The following RANBP17 variants were observed in gnomAD, a reference collection of about 807,000 sequenced individuals.
RANBP17 encodes RAN binding protein 17.
RANBP17 carries 158 observed loss-of-function variants against 141.2 expected under a neutral mutation model. That is an observed-to-expected ratio of 1.12 (90% confidence interval 0.98 to 1.28). RANBP17 has a LOEUF of 1.28. Among genes scored for constraint, RANBP17 ranks in the 50% most tolerant of loss-of-function variants. RANBP17 has a pLI of 0.00. For synonymous variants in RANBP17, 430 were observed against 450.0 expected (o/e 0.96, Z 0.56); for missense variants, 1,438 against 1,290.7 (o/e 1.11, Z -1.75).
Position 170,955,580 on chromosome 5 carries a change from GTGTATATATA to G in RANBP17, c.1574+1880_1574+1889del, listed in dbSNP as rs1315835839. ...GTATATATATATATGCTCAGTCTGTGTGTATATATATATATATATATATATATATGCTCAG... is the reference window on the plus strand; with the variant it reads ...GTATATATATATATGCTCAGTCTGTGTATATATATATATATATATGCTCAG... On this transcript the variant is annotated intron_variant, in intron 13 of 27. Coordinates refer to ENST00000523189, the MANE Select transcript of RANBP17 (RefSeq NM_022897.5). Among the ~76,000 whole-genome samples the G allele has an allele frequency of 6.7e-3, 271 of 40,582 alleles. 16 individuals are homozygous for G. Among genetic ancestry groups the G allele is most frequent in the African/African-American group, 0.017 (204 of 11,892 alleles). The allele number at this position is 40,582 out of a possible 152,430, so 26.6% of individuals were successfully genotyped here.
At chr5:170,875,296 A>G (rs888176849) in intron 1 of RANBP17, among the ~76,000 whole-genome samples, 1 of 151,798 alleles carries the variant, frequency 6.6e-6, no homozygotes, top group Admixed American at 6.6e-5. Context: ...GGATCTAATG[A>G]TTATGTGTCT....
At chr5:170,975,444 T>G (rs1777293055) in intron 14 of RANBP17, among the ~76,000 whole-genome samples, 2 of 152,188 alleles carry the variant, frequency 1.3e-5, no homozygotes, top group Admixed American at 6.5e-5. Context: ...CAGAATTGCA[T>G]GAACCTGGGA....
At chr5:171,087,510 G>A (rs1785765869) in intron 14 of RANBP17, among the ~76,000 whole-genome samples, 1 of 152,046 alleles carries the variant, frequency 6.6e-6, no homozygotes. Context: ...TTCAATTCCT[G>A]GATATCCTTG....
intron 14 of RANBP17, among the ~76,000 whole-genome samples, chr5:171,014,467 T>C (rs1780300047): frequency 6.6e-6 from 1 of 152,068 alleles, no homozygotes; most frequent in African/African-American, 2.4e-5. Context: ...TTTATTATTT[T>C]GTTAGTTATG....
chr5:170,954,214 TCTC>T (rs1775426888), intron 13 of RANBP17, among the ~76,000 whole-genome samples: 1 of 152,098 alleles, frequency 6.6e-6, no homozygotes, highest in Admixed American at 6.6e-5. Flanking sequence ...TAATAACAAA[TCTC>T]CTTATAACAG....
At chr5:171,167,689 A>G (rs1319659256) in intron 14 of RANBP17, among the ~76,000 whole-genome samples, 2 of 152,174 alleles carry the variant, frequency 1.3e-5, no homozygotes, top group East Asian at 3.9e-4. Context: ...TTAAGGGCAC[A>G]CAGTCTCTGG....
At chr5:171,094,133 C>A (rs1410376041) in intron 14 of RANBP17, among the ~76,000 whole-genome samples, 1 of 152,118 alleles carries the variant, frequency 6.6e-6, no homozygotes, top group Non-Finnish European at 1.5e-5. Flanking sequence ...GGTTCTGAAA[C>A]AGACCAAGAA....
intron 27 of RANBP17, among the ~76,000 whole-genome samples, chr5:171,296,449 A>T (rs958908264): frequency 1.1e-4 from 16 of 152,328 alleles, no homozygotes; most frequent in African/African-American, 3.6e-4. Flanking sequence ...TGTATTGTAT[A>T]TTTCAAAATA....
intron 16 of RANBP17, among the ~76,000 whole-genome samples, chr5:171,177,808 T>C (rs984048857): frequency 1.1e-4 from 17 of 152,196 alleles, no homozygotes; most frequent in African/African-American, 4.1e-4. Flanking sequence ...TAGTATTTGC[T>C]GGTCCTGTCT....
intron 25 of RANBP17, among the ~76,000 whole-genome samples, chr5:171,267,644 T>G (rs1458436168): frequency 1.3e-5 from 2 of 151,908 alleles, no homozygotes; most frequent in Non-Finnish European, 2.9e-5. Context: ...CTGTCTCTAC[T>G]AAAAATACAA....
chr5:170,966,500 A>C (rs529363931), intron 13 of RANBP17, among the ~76,000 whole-genome samples: 1 of 152,316 alleles, frequency 6.6e-6, no homozygotes, highest in Admixed American at 6.5e-5. Context: ...ACAACCCTTC[A>C]AGCTAAAAAC....
rs1433941231 is a variant in RANBP17 at position 171,252,607 on chromosome 5, G to T, written c.2776+9787G>T. ...ACACCTGAAGAGATTTAAATATAAG[G>T]ATCAACTTCATCGATTTACAAAACT... On this transcript the variant is annotated intron_variant, in intron 24 of 27. Coordinates refer to ENST00000523189, the MANE Select transcript of RANBP17 (RefSeq NM_022897.5). 2.2e-6 allele frequency: 3 copies of T among 1,354,264 alleles called. No homozygotes were observed. The Admixed American group carries it at 5.1e-5, about 23-fold the overall frequency. The allele number at this position is 1,354,264 out of a possible 1,614,324, so 83.9% of individuals were successfully genotyped here. A position where few individuals can be genotyped will look rare whatever the true frequency, so the allele number is the denominator to read the frequency against.
chr5:171,273,464 G>A (rs956455052), intron 25 of RANBP17, among the ~76,000 whole-genome samples: 4 of 152,166 alleles, frequency 2.6e-5, no homozygotes, highest in Admixed American at 2.0e-4. Context: ...GAATCCTCAA[G>A]TTGAGTGCAC....
intron 14 of RANBP17, among the ~76,000 whole-genome samples, chr5:170,994,852 G>A (rs78631249): frequency 0.019 from 2,895 of 152,016 alleles, 78 homozygotes; most frequent in African/African-American, 0.065. Flanking sequence ...TGACCATGAC[G>A]TTGTTGGATT....
chr5:171,255,660 C>T (rs1765834866), intron 24 of RANBP17, among the ~76,000 whole-genome samples: 1 of 152,024 alleles, frequency 6.6e-6, no homozygotes, highest in African/African-American at 2.4e-5. Flanking sequence ...ATTCAATATA[C>T]TTTTAAAACA....
intron 24 of RANBP17, chr5:171,252,521 G>C (rs544237303): frequency 1.2e-5 from 17 of 1,426,986 alleles, no homozygotes; most frequent in Admixed American, 8.4e-5. Context: ...GAAGAGTGTC[G>C]CAGCAAACAG....
chr5:171,190,042 CAG>C (rs752286604), intron 18 of RANBP17, among the ~76,000 whole-genome samples: 8 of 150,872 alleles, frequency 5.3e-5, no homozygotes, highest in Non-Finnish European at 1.2e-4. Context: ...ATAAGAATCA[CAG>C]AAAAAAAAAC....
intron 14 of RANBP17, among the ~76,000 whole-genome samples, chr5:171,123,204 A>C (rs1756172737): frequency 6.6e-6 from 1 of 152,142 alleles, no homozygotes. Flanking sequence ...GCTAGCACCC[A>C]TGTGCACCAC....
At chr5:170,980,245 C>T (rs181867410) in intron 14 of RANBP17, among the ~76,000 whole-genome samples, 4 of 152,196 alleles carry the variant, frequency 2.6e-5, no homozygotes. Flanking sequence ...AGGGAAACAG[C>T]ATAAAAGTTT....
Sources: gnomAD v4.1 joint callset for allele counts (sites outside exome capture counted in the v4.1 genomes callset) on GRCh38, gnomAD v4.1.1 for gene constraint, MANE v1.5 for transcripts, NCBI Gene and HGNC (gene_info 2026-07-23, HGNC 2026-07-21) for gene names.